Variants in ULK4 observed in about 807,000 individuals in gnomAD.
ULK4 encodes unc-51 like kinase 4.
A neutral mutation model predicts 160.6 loss-of-function variants in ULK4; 133 were observed. The ratio of observed to expected loss-of-function variants is 0.83; its 90% CI spans 0.72 to 0.96. The LOEUF (loss-of-function observed/expected upper bound fraction) is 0.96, where lower values mean the gene tolerates loss of function less well. Among genes scored for constraint, ULK4 ranks in the 40% least tolerant of loss-of-function variants. ULK4 has a pLI of 0.00. For missense variants in ULK4, 1,580 were observed against 1,499.5 expected (o/e 1.05, Z -0.89); for synonymous variants, 534 against 539.8 (o/e 0.99, Z 0.15).
At chr3:41,318,347 GGTTT>G (rs1217852641) in intron 35 of ULK4, among the ~76,000 whole-genome samples, 1 of 151,952 alleles carries the variant, frequency 6.6e-6, no homozygotes, top group Non-Finnish European at 1.5e-5. Flanking sequence ...TGGGTTGTTA[GGTTT>G]GTTTTTAAAA....
chr3:41,829,867 T>C (rs549041113), intron 18 of ULK4, among the ~76,000 whole-genome samples: 2 of 149,322 alleles, frequency 1.3e-5, no homozygotes, highest in East Asian at 3.9e-4. Context: ...TGCGGCATTA[T>C]TCACAATAGC....
chr3:41,868,547 G>A (rs1402915579), intron 17 of ULK4, among the ~76,000 whole-genome samples: 1 of 152,196 alleles, frequency 6.6e-6, no homozygotes, highest in Non-Finnish European at 1.5e-5. Context: ...GAGTGCAGTA[G>A]TGGGATCTCA....
chr3:41,515,369 T>C (rs528503409), intron 32 of ULK4, among the ~76,000 whole-genome samples: 124 of 152,160 alleles, frequency 8.1e-4, no homozygotes, highest in African/African-American at 2.7e-3. Context: ...TAGAATACTA[T>C]ATAGTAATTA....
intron 17 of ULK4, among the ~76,000 whole-genome samples, chr3:41,844,379 G>A (rs1278228127): frequency 1.3e-5 from 2 of 152,120 alleles, no homozygotes; most frequent in Non-Finnish European, 2.9e-5. Flanking sequence ...ACTGCTGAGG[G>A]ACCCAGCACA....
At chr3:41,394,501 A>G (rs1025871570) in intron 35 of ULK4, among the ~76,000 whole-genome samples, 2 of 152,160 alleles carry the variant, frequency 1.3e-5, no homozygotes, top group African/African-American at 4.8e-5. Flanking sequence ...ACATTAGCCT[A>G]CAATTGAGCA....
intron 32 of ULK4, among the ~76,000 whole-genome samples, chr3:41,466,223 T>G (rs1559623562): frequency 6.6e-6 from 1 of 152,196 alleles, no homozygotes; most frequent in Non-Finnish European, 1.5e-5. Flanking sequence ...AGCCCTGGTT[T>G]CATTCAATGA....
At chr3:41,468,494 G>A (rs1165378638) in intron 32 of ULK4, among the ~76,000 whole-genome samples, 1 of 152,116 alleles carries the variant, frequency 6.6e-6, no homozygotes, top group Non-Finnish European at 1.5e-5. Context: ...GGAGTCTATA[G>A]ACCTCCTATA....
At chr3:41,636,545 A>G (rs924879213) in intron 30 of ULK4, among the ~76,000 whole-genome samples, 5 of 151,886 alleles carry the variant, frequency 3.3e-5, no homozygotes, top group Admixed American at 3.3e-4. Flanking sequence ...AAAGAAAAAA[A>G]AAAAAGAAAA....
intron 34 of ULK4, among the ~76,000 whole-genome samples, chr3:41,435,865 T>C (rs1434659297): frequency 6.6e-6 from 1 of 152,146 alleles, no homozygotes; most frequent in South Asian, 2.1e-4. Context: ...GAGAATCAAT[T>C]GAACTCTGGG....
Position 41,910,427 on chromosome 3 carries a change from CT to C in ULK4, c.1085+889del, listed in dbSNP as rs1698739440. Among the ~76,000 whole-genome samples, 3 of 151,912 alleles carry C rather than the reference CT, an allele frequency of 2.0e-5. No homozygotes were observed. The South Asian group carries it at 6.3e-4, about 32-fold the overall frequency. On this transcript the variant is annotated intron_variant, in intron 11 of 36. Transcript: ENST00000301831. ...TGGCCAACATGGCAAAATCCTGTCT[CT>C]ACTAAAAATACAAAAATTAGCCAGG...
At chr3:41,607,689 G>A (rs1385834783) in intron 31 of ULK4, among the ~76,000 whole-genome samples, 3 of 152,130 alleles carry the variant, frequency 2.0e-5, no homozygotes, top group Non-Finnish European at 2.9e-5. Context: ...TAAAGTTGGG[G>A]AGAAATTTGA....
At chr3:41,838,775 G>T (rs573268144) in intron 17 of ULK4, among the ~76,000 whole-genome samples, 1 of 152,248 alleles carries the variant, frequency 6.6e-6, no homozygotes, top group Non-Finnish European at 1.5e-5. Context: ...ACGATAAACA[G>T]ACATCCACAA....
At chr3:41,893,087 T>C (rs1179192710) in intron 16 of ULK4, among the ~76,000 whole-genome samples, 1 of 152,172 alleles carries the variant, frequency 6.6e-6, no homozygotes, top group African/African-American at 2.4e-5. Context: ...GTACTCACCA[T>C]AAGCAAATTC....
At chr3:41,833,739 C>G (rs1278663910) in intron 18 of ULK4, among the ~76,000 whole-genome samples, 3 of 152,134 alleles carry the variant, frequency 2.0e-5, no homozygotes, top group Admixed American at 6.6e-5. Context: ...AGTTGCTTAT[C>G]AGCTTAAGGA....
At position 41,472,962 on chromosome 3, in the gene ULK4, T is replaced by C. The variant is rs918505113; in HGVS notation, c.3227-9709A>G. Among the ~76,000 whole-genome samples, 5 of 152,156 alleles carry C rather than the reference T, an allele frequency of 3.3e-5. No homozygotes were observed. In the East Asian group the frequency reaches 9.6e-4, roughly 29 times the overall value. On this transcript the variant is annotated intron_variant, in intron 32 of 36. Transcript: ENST00000301831. ...ATTTATCTCTGGCATGCAAGGATGGTTCAACATATGCAAATCAATATCACA... is the reference window on the plus strand; with the variant it reads ...ATTTATCTCTGGCATGCAAGGATGGCTCAACATATGCAAATCAATATCACA...
At chr3:41,617,435 T>C (rs1015915552) in intron 30 of ULK4, among the ~76,000 whole-genome samples, 4 of 152,186 alleles carry the variant, frequency 2.6e-5, no homozygotes, top group Non-Finnish European at 4.4e-5. Context: ...CAGGCAGCAA[T>C]CTTTGCTGTT....
intron 11 of ULK4, among the ~76,000 whole-genome samples, chr3:41,910,481 C>T (rs1229797476): frequency 6.6e-6 from 1 of 151,880 alleles, no homozygotes. Flanking sequence ...GTAGTCCCAG[C>T]TACTCTCGGG....
At chr3:41,784,348 C>G (rs1242383315) in intron 21 of ULK4, among the ~76,000 whole-genome samples, 1 of 151,974 alleles carries the variant, frequency 6.6e-6, no homozygotes, top group East Asian at 1.9e-4. Context: ...GCAGGAGAAT[C>G]GCTTGAACCC....
chr3:41,540,191 T>C (rs892485591), intron 32 of ULK4, among the ~76,000 whole-genome samples: 1 of 152,118 alleles, frequency 6.6e-6, no homozygotes, highest in African/African-American at 2.4e-5. Context: ...GTATTTCTCC[T>C]AATGCTCTCC....
Sources: gnomAD v4.1 joint callset for allele counts (sites outside exome capture counted in the v4.1 genomes callset) on GRCh38, gnomAD v4.1.1 for gene constraint, MANE v1.5 for transcripts, NCBI Gene and HGNC (gene_info 2026-07-23, HGNC 2026-07-21) for gene names.